Variants in HPSE2 observed in about 807,000 individuals in gnomAD.
HPSE2 encodes the protein inactive heparanase-2.
HPSE2 carries 38 observed loss-of-function variants against 60.5 expected under a neutral mutation model. The ratio of observed to expected loss-of-function variants is 0.63; its 90% CI spans 0.48 to 0.82. The LOEUF is 0.82. HPSE2 is among the 40% of genes least tolerant of loss of function. The pLI, the probability that HPSE2 is intolerant of heterozygous loss-of-function variation, is 0.00. For synonymous variants in HPSE2, 295 were observed against 293.2 expected (o/e 1.01, Z -0.06); for missense variants, 713 against 740.4 (o/e 0.96, Z 0.43).
At chr10:98,836,158 A>C (rs935451017) in intron 3 of HPSE2, among the ~76,000 whole-genome samples, 1 of 151,792 alleles carries the variant, frequency 6.6e-6, no homozygotes, top group African/African-American at 2.4e-5. Context: ...AATAAAGCTC[A>C]CTCCCTCTGC....
At chr10:98,870,933 T>C (rs1952714160) in intron 3 of HPSE2, among the ~76,000 whole-genome samples, 1 of 79,148 alleles carries the variant, frequency 1.3e-5, no homozygotes, top group African/African-American at 5.2e-5. Flanking sequence ...CACAGTGATA[T>C]CTTTAAATTA....
intron 3 of HPSE2, among the ~76,000 whole-genome samples, chr10:98,897,518 T>C (rs1444802): frequency 0.14 from 20,950 of 151,898 alleles, 2,012 homozygotes; most frequent in African/African-American, 0.26. Context: ...TACACATTAA[T>C]AGAACAGAGT....
chr10:99,199,747 T>C (rs946300778), intron 2 of HPSE2, among the ~76,000 whole-genome samples: 1 of 152,178 alleles, frequency 6.6e-6, no homozygotes, highest in East Asian at 1.9e-4. Flanking sequence ...AAGAATGCAT[T>C]GGCATTTCAA....
chr10:98,770,675 T>A (rs1336998078), intron 3 of HPSE2, among the ~76,000 whole-genome samples: 1 of 152,062 alleles, frequency 6.6e-6, no homozygotes, highest in Non-Finnish European at 1.5e-5. Flanking sequence ...ACCACAGACA[T>A]TAGACTGGTC....
intron 2 of HPSE2, among the ~76,000 whole-genome samples, chr10:99,169,504 C>CAA (rs562946052): frequency 5.5e-5 from 3 of 54,730 alleles, no homozygotes; most frequent in Non-Finnish European, 6.7e-5. Flanking sequence ...GACTCCGTCT[C>CAA]AAAAAAAAAA....
At chr10:98,638,227 C>T (rs867308874) in intron 7 of HPSE2, among the ~76,000 whole-genome samples, 62 of 148,178 alleles carry the variant, frequency 4.2e-4, no homozygotes, top group African/African-American at 1.4e-3. Flanking sequence ...GGGCAGATGA[C>T]GAGGTCAGGA....
chr10:99,313,673 C>G, the HPSE2 span, among the ~76,000 whole-genome samples: 1 of 135,032 alleles, frequency 7.4e-6, no homozygotes, highest in East Asian at 2.4e-4. Flanking sequence ...AATCTCAGCT[C>G]ACTGCAACCT....
intron 9 of HPSE2, among the ~76,000 whole-genome samples, chr10:98,532,867 T>A (rs1255956404): frequency 6.6e-6 from 1 of 152,196 alleles, no homozygotes; most frequent in African/African-American, 2.4e-5. Context: ...TTTGTCTATT[T>A]GGCCTTTATT....
At chr10:98,993,641 C>T (rs1956577475) in intron 3 of HPSE2, among the ~76,000 whole-genome samples, 1 of 152,042 alleles carries the variant, frequency 6.6e-6, no homozygotes. Flanking sequence ...AGTGTTGGTC[C>T]TCTAATGCTA....
intron 9 of HPSE2, among the ~76,000 whole-genome samples, chr10:98,611,624 A>C (rs1233374454): frequency 6.6e-6 from 1 of 152,186 alleles, no homozygotes; most frequent in African/African-American, 2.4e-5. Flanking sequence ...GTCTGTCTCC[A>C]TTACACATTC....
At chr10:99,003,528 C>A (rs1483683380) in intron 3 of HPSE2, among the ~76,000 whole-genome samples, 1 of 152,124 alleles carries the variant, frequency 6.6e-6, no homozygotes, top group East Asian at 1.9e-4. Context: ...TTGATAATAG[C>A]AATTCTAATA....
rs1380603682 is a variant in HPSE2, at chr10:98,721,662, T to C, written c.951A>G (p.Leu317=). 2.5e-6 allele frequency: 4 copies of C among 1,613,342 alleles called. No individual in the cohort carries two copies. The highest frequency in any genetic ancestry group is 1.3e-5 in the African/African-American group (1 of 74,886). The change falls in exon 5 of 12, where the codon CTA becomes CTG. Residue 317 remains leucine (L), a synonymous_variant. Transcript: ENST00000370552. ...AGCTAAATAATCTGACCTACCCATC[T>C]AGGAGGGCGATGACATTCTTCCTCG... ...GRPRKNVIAL[L]DGFMKVAGST...
intron 9 of HPSE2, among the ~76,000 whole-genome samples, chr10:98,576,102 G>A (rs1265956439): frequency 6.6e-6 from 1 of 152,080 alleles, no homozygotes; most frequent in African/African-American, 2.4e-5. Context: ...GGTAAAAAAT[G>A]AATTCCGAAA....
chr10:98,856,772 A>C (rs1952326247), intron 3 of HPSE2, among the ~76,000 whole-genome samples: 1 of 152,204 alleles, frequency 6.6e-6, no homozygotes, highest in African/African-American at 2.4e-5. Context: ...AGAGAAATAG[A>C]GATTTTTTTC....
In HPSE2 at chr10:98,742,918, G is replaced by A. The variant is rs948945482; in HGVS notation, c.784+965C>T. Among the ~76,000 whole-genome samples the A allele has an allele frequency of 8.0e-5, 12 of 150,858 alleles. 1 individual carries two copies. The highest frequency in any genetic ancestry group is 5.3e-4 in the Admixed American group (8 of 15,144). ...AAACATTATTATGAATTTCAAGATG[G>A]TGACTGCAGAGAATGAAACCAAGAA... On this transcript the variant is annotated intron_variant, in intron 4 of 11. Coordinates refer to ENST00000370552, the MANE Select transcript of HPSE2 (RefSeq NM_021828.5).
chr10:98,596,499 C>A (rs545991206), intron 9 of HPSE2, among the ~76,000 whole-genome samples: 1 of 151,434 alleles, frequency 6.6e-6, no homozygotes, highest in Non-Finnish European at 1.5e-5. Flanking sequence ...TGAAGCATCC[C>A]TTTAGCATTT....
chr10:98,504,217 A>G (rs1391068524), intron 9 of HPSE2, among the ~76,000 whole-genome samples: 1 of 152,104 alleles, frequency 6.6e-6, no homozygotes, highest in Non-Finnish European at 1.5e-5. Flanking sequence ...ACTCTGCAAG[A>G]GGTTGTCTCA....
In HPSE2 at chr10:98,516,690, G is replaced by A. The variant is rs574515411; in HGVS notation, c.1321-26494C>T. 1.2e-4 allele frequency among the ~76,000 whole-genome samples: 18 copies of A among 152,202 alleles called. No homozygotes were observed. The South Asian group carries it at 3.1e-3, about 26-fold the overall frequency. On this transcript the variant is annotated intron_variant, in intron 9 of 11. Coordinates refer to ENST00000370552, the MANE Select transcript of HPSE2 (RefSeq NM_021828.5). ...GCAGGGAAAGGCAAGAGGTAAAAGC[G>A]CTTCTCTCTCACCTGAATTGCCCCC...
At chr10:98,647,677 G>A (rs186919612) in intron 6 of HPSE2, among the ~76,000 whole-genome samples, 72 of 152,294 alleles carry the variant, frequency 4.7e-4, no homozygotes, top group Middle Eastern at 3.4e-3. Context: ...TTTATAAATT[G>A]CACTTGCCCC....
Sources: gnomAD v4.1 joint callset for allele counts (sites outside exome capture counted in the v4.1 genomes callset) on GRCh38, gnomAD v4.1.1 for gene constraint, MANE v1.5 for transcripts, NCBI Gene and HGNC (gene_info 2026-07-23, HGNC 2026-07-21) for gene names.